Variants in EPHA6 observed in about 807,000 individuals in gnomAD.
EPHA6 encodes ephrin type-A receptor 6.
Under a neutral mutation model 112.0 loss-of-function variants are expected in EPHA6, and 50 were observed. That is an observed-to-expected ratio of 0.45 (90% CI 0.36 to 0.56). EPHA6 has a LOEUF of 0.56. Ranked by LOEUF, EPHA6 falls within the 20% of genes least tolerant of loss-of-function variation. The pLI, the probability that EPHA6 is intolerant of heterozygous loss-of-function variation, is 0.00. For synonymous variants in EPHA6, 529 were observed against 490.7 expected (o/e 1.08, Z -1.03); for missense variants, 1,280 against 1,417.4 (o/e 0.90, Z 1.56).
At chr3:97,047,304 T>G (rs2045541773) in intron 3 of EPHA6, among the ~76,000 whole-genome samples, 2 of 151,730 alleles carry the variant, frequency 1.3e-5, no homozygotes, top group South Asian at 4.2e-4. Flanking sequence ...ATCAAGACCA[T>G]CCTGGCTAAC....
intron 5 of EPHA6, among the ~76,000 whole-genome samples, chr3:97,363,048 G>A (rs2084463252): frequency 6.7e-6 from 1 of 149,346 alleles, no homozygotes. Flanking sequence ...TAGTATAAGA[G>A]ATAATGTGGA....
chr3:97,504,856 A>C (rs1050151519), intron 10 of EPHA6, among the ~76,000 whole-genome samples: 3 of 152,216 alleles, frequency 2.0e-5, no homozygotes, highest in African/African-American at 7.2e-5. Context: ...TTCTAATATA[A>C]CATGTACATT....
intron 2 of EPHA6, among the ~76,000 whole-genome samples, chr3:96,925,605 GTT>G (rs34393123): frequency 7.3e-6 from 1 of 136,580 alleles, no homozygotes; most frequent in Admixed American, 7.3e-5. Flanking sequence ...TTGATTTGCT[GTT>G]TTTTTTTTTT....
intron 2 of EPHA6, among the ~76,000 whole-genome samples, chr3:96,884,491 T>G (rs1436123507): frequency 6.6e-6 from 1 of 152,140 alleles, no homozygotes; most frequent in African/African-American, 2.4e-5. Flanking sequence ...GCAGCTATTG[T>G]ACAAGGAGTT....
intron 6 of EPHA6, among the ~76,000 whole-genome samples, chr3:97,436,330 C>T (rs2089831887): frequency 6.6e-6 from 1 of 152,002 alleles, no homozygotes; most frequent in Non-Finnish European, 1.5e-5. Flanking sequence ...TTAAGAGATA[C>T]CTGCTTTAGT....
chr3:97,210,440 C>A (rs538421250), intron 3 of EPHA6, among the ~76,000 whole-genome samples: 1 of 152,238 alleles, frequency 6.6e-6, no homozygotes, highest in Middle Eastern at 3.4e-3. Context: ...CCTATCACCT[C>A]CCACCAGGCC....
Position 97,754,043 on chromosome 3 carries a change from CAAT to C in EPHA6, c.*5343_*5345del, listed in dbSNP as rs1228685838. Among the ~76,000 whole-genome samples, 10 of 148,088 alleles carry C rather than the reference CAAT, an allele frequency of 6.8e-5. No homozygotes were observed. Among genetic ancestry groups the C allele is most frequent in the Non-Finnish European group, 1.3e-4 (9 of 67,030 alleles). On this transcript the variant is annotated 3_prime_UTR_variant, in exon 18 of 18. Transcript: ENST00000389672. ...GAGTAATAAATTAGCTTCAAATTAA[CAAT>C]GAGTTTGTATAAAATGTATAAAAAA... is the stretch of plus-strand genomic sequence containing the variant.
At chr3:97,432,816 G>A (rs1338283183) in intron 6 of EPHA6, among the ~76,000 whole-genome samples, 1 of 152,096 alleles carries the variant, frequency 6.6e-6, no homozygotes, top group Non-Finnish European at 1.5e-5. Context: ...CATATGTCGT[G>A]AGAACTCACT....
intron 3 of EPHA6, among the ~76,000 whole-genome samples, chr3:97,054,258 A>G (rs1299668556): frequency 1.3e-5 from 2 of 152,068 alleles, no homozygotes; most frequent in African/African-American, 4.8e-5. Flanking sequence ...TTACAAATTT[A>G]ATATTTCTTT....
intron 5 of EPHA6, among the ~76,000 whole-genome samples, chr3:97,353,036 A>G (rs1443978742): frequency 6.6e-6 from 1 of 152,046 alleles, no homozygotes. Context: ...ATTTTTAGAC[A>G]TACTCTGCCA....
chr3:97,362,962 T>C (rs1460140755), intron 5 of EPHA6, among the ~76,000 whole-genome samples: 1 of 151,174 alleles, frequency 6.6e-6, no homozygotes, highest in African/African-American at 2.4e-5. Context: ...AGTAATTTAA[T>C]TATTTATAGA....
rs146272318 is a variant in EPHA6, at chr3:97,515,772, G to C, written c.2201-16586G>C. Among the ~76,000 whole-genome samples the C allele has an allele frequency of 3.7e-3, 570 of 152,138 alleles. 7 individuals are homozygous for C. The highest frequency in any genetic ancestry group is 0.033 in the South Asian group (160 of 4,812). On this transcript the variant is annotated intron_variant, in intron 10 of 17. Coordinates refer to ENST00000389672, the MANE Select transcript of EPHA6 (RefSeq NM_001080448.3). Reference sequence around the variant, plus strand: ...GTGAAGAGAAAAATTTAATCTCCTTGAGGACAGTGCTATATTTAGAGGCAT... The same window carrying C: ...GTGAAGAGAAAAATTTAATCTCCTTCAGGACAGTGCTATATTTAGAGGCAT...
intron 10 of EPHA6, among the ~76,000 whole-genome samples, chr3:97,529,478 T>C (rs1425295851): frequency 1.3e-5 from 2 of 151,958 alleles, no homozygotes; most frequent in African/African-American, 4.8e-5. Context: ...AGTTGATGAG[T>C]TAATTATGTA....
chr3:97,635,444 C>T (rs1471320358), intron 13 of EPHA6, among the ~76,000 whole-genome samples: 1 of 151,844 alleles, frequency 6.6e-6, no homozygotes, highest in African/African-American at 2.4e-5. Context: ...GATGAATACA[C>T]AAAAAGAGTA....
chr3:97,542,499 G>T (rs1205879589), intron 11 of EPHA6, among the ~76,000 whole-genome samples: 1 of 152,070 alleles, frequency 6.6e-6, no homozygotes, highest in Non-Finnish European at 1.5e-5. Context: ...TATCATTGTT[G>T]GACATTTAGG....
intron 2 of EPHA6, among the ~76,000 whole-genome samples, chr3:96,904,954 A>G (rs1575988661): frequency 6.6e-6 from 1 of 152,112 alleles, no homozygotes; most frequent in Non-Finnish European, 1.5e-5. Context: ...TTATGCTGAT[A>G]CCCATCGTAT....
intron 5 of EPHA6, among the ~76,000 whole-genome samples, chr3:97,337,677 T>C (rs929601512): frequency 6.6e-6 from 1 of 152,178 alleles, no homozygotes; most frequent in Non-Finnish European, 1.5e-5. Context: ...GCCATATATC[T>C]ACTAATCTTG....
At chr3:97,672,512 G>A (rs2030947786) in intron 14 of EPHA6, among the ~76,000 whole-genome samples, 1 of 152,066 alleles carries the variant, frequency 6.6e-6, no homozygotes, top group African/African-American at 2.4e-5. Context: ...AAGGAGAATT[G>A]CACTATTAAT....
chr3:97,516,116 T>G (rs572658764), intron 10 of EPHA6, among the ~76,000 whole-genome samples: 17 of 152,326 alleles, frequency 1.1e-4, no homozygotes, highest in African/African-American at 4.1e-4. Flanking sequence ...AAGACTCACA[T>G]AGCTTTACAA....
Sources: gnomAD v4.1 joint callset for allele counts (sites outside exome capture counted in the v4.1 genomes callset) on GRCh38, gnomAD v4.1.1 for gene constraint, MANE v1.5 for transcripts, NCBI Gene and HGNC (gene_info 2026-07-23, HGNC 2026-07-21) for gene names.